Variants in PKN3 observed in about 807,000 individuals in gnomAD.
PKN3 encodes protein kinase N3, also known as serine/threonine-protein kinase N3.
A neutral mutation model predicts 113.1 loss-of-function variants in PKN3; 91 were observed. That is an observed-to-expected ratio of 0.80 (90% CI 0.68 to 0.96). The LOEUF (loss-of-function observed/expected upper bound fraction) is 0.96, where lower values mean the gene tolerates loss of function less well. PKN3 is among the 40% of genes least tolerant of loss of function. The pLI is 0.00. For synonymous variants in PKN3, 467 were observed against 499.0 expected (o/e 0.94, Z 0.85); for missense variants, 1,052 against 1,202.2 (o/e 0.88, Z 1.85).
At chr9:128,713,988 T>C (rs1356620071) in intron 9 of PKN3, 58 bp from the exon 10 acceptor site, 1 of 1,562,260 alleles carries the variant, frequency 6.4e-7, no homozygotes, top group Non-Finnish European at 8.8e-7. Flanking sequence ...GCAGAGGAGG[T>C]GCCATGGCAG....
Position 128,707,330 on chromosome 9 carries a change from A to AC in PKN3, c.763dup (p.Arg255ProfsTer35), listed in dbSNP as rs1484366175. On this transcript the variant is annotated frameshift_variant, in exon 6 of 22. Coordinates refer to ENST00000291906, the MANE Select transcript of PKN3 (RefSeq NM_013355.5). LOFTEE classifies it high-confidence loss of function. ...TGCCCACCCTTTGCGCAGCAGAGTG[A>AC]CCCGAGAGTTGCGGGCTGCGGTGCC... 2 of 1,613,810 alleles carry AC rather than the reference A, an allele frequency of 1.2e-6. No individual in the cohort carries two copies. The highest frequency in any genetic ancestry group is 1.7e-6 in the Non-Finnish European group (2 of 1,179,970).
chr9:128,720,682 C>A lies in PKN3; in HGVS notation c.*76C>A, dbSNP rs1169739954. On this transcript the variant is annotated 3_prime_UTR_variant, in exon 22 of 22. Coordinates refer to ENST00000291906, the MANE Select transcript of PKN3 (RefSeq NM_013355.5). This position sits in a 1 kb window ranked among gnomAD's most constrained non-coding sequence, Gnocchi z 5.5. Reference sequence around the variant, plus strand: ...CTGCTCGTTCACCCGTGCGCCCTGCCTGGAGGTCCAGGCCTTGCTGGGTAC... The same window carrying A: ...CTGCTCGTTCACCCGTGCGCCCTGCATGGAGGTCCAGGCCTTGCTGGGTAC... 1.1e-5 allele frequency: 14 copies of A among 1,314,310 alleles called. No homozygotes were observed. The African/African-American group carries it at 2.0e-4, about 19-fold the overall frequency. The allele number at this position is 1,314,310 out of a possible 1,614,324, so 81.4% of individuals were successfully genotyped here.
At chr9:128,703,202 C>G (rs13283282) in intron 1 of PKN3, among the ~76,000 whole-genome samples, 17,707 of 152,254 alleles carry the variant, frequency 0.12, 1,114 homozygotes, top group Middle Eastern at 0.18. Flanking sequence ...TGAGCGAGGA[C>G]GGCTGAGTCC....
rs201467569 is a variant in PKN3, at chr9:128,719,979, G to A, written c.2338G>A (p.Gly780Ser). The A allele has an allele frequency of 1.0e-4, 161 of 1,614,022 alleles. 1 individual carries two copies. Among genetic ancestry groups the A allele is most frequent in the Non-Finnish European group, 1.2e-4 (139 of 1,180,006 alleles). Residue 780 changes from glycine (G) to serine (S), a missense_variant, in exon 20 of 22, where the codon GGC (glycine) becomes AGC (serine). By Grantham distance (56) the Gly-to-Ser change is moderately conservative (BLOSUM62 0). Transcript: ENST00000291906. ...CGTCAACATGGACGCCCCCTACCCC[G>A]GCTTTCTGTCGGTGCAAGGGCTTGA... ...CIVNMDAPYP[G>S]FLSVQGLEFI...
intron 1 of PKN3, chr9:128,704,058 G>C (rs1861935696): frequency 2.3e-6 from 2 of 864,060 alleles, no homozygotes; most frequent in Non-Finnish European, 2.6e-6. Flanking sequence ...CTGAGGTCTG[G>C]GGTGGGGGGG....
Position 128,713,537 on chromosome 9 carries a change from G to C in PKN3, c.1131G>C (p.Trp377Cys). The change falls in exon 9 of 22, where the codon TGG (tryptophan) becomes TGC (cysteine). Residue 377 changes from tryptophan to cysteine, a missense_variant. Coordinates refer to ENST00000291906, the MANE Select transcript of PKN3 (RefSeq NM_013355.5). Reference sequence around the variant, plus strand: ...AGATTGGGGTACACTGGCGGGACTGGCGGCAGCTATGTGGCGTGGCCTTCC... The same window carrying C: ...AGATTGGGGTACACTGGCGGGACTGCCGGCAGCTATGTGGCGTGGCCTTCC... ...ELEIGVHWRD[W>C]RQLCGVAFLR... 6.2e-7 allele frequency: 1 copy of C among 1,613,910 alleles called. No homozygotes were observed. The highest frequency in any genetic ancestry group is 8.5e-7 in the Non-Finnish European group (1 of 1,179,972).
chr9:128,718,508 A>G lies in PKN3; in HGVS notation c.2049-41A>G, dbSNP rs534252039. On this transcript the variant is annotated intron_variant, in intron 17 of 21. Coordinates refer to ENST00000291906, the MANE Select transcript of PKN3 (RefSeq NM_013355.5). ...GGGGCCGTTACTGTTCCCTGGGTCT[A>G]AGCCCCACTCAGTCCCTTTGATCTG... 8 of 1,599,752 alleles carry G rather than the reference A, an allele frequency of 5.0e-6. No homozygotes were observed. The African/African-American group carries it at 1.1e-4, about 21-fold the overall frequency.
chr9:128,720,130 G>A lies in PKN3; in HGVS notation c.2377-73G>A. On this transcript the variant is annotated intron_variant, in intron 20 of 21. Transcript: ENST00000291906. The surrounding 1 kb of genome is among the most constrained non-coding windows in gnomAD (Gnocchi z 5.5). ...CATCCTTAGAGCGCTCTGGGCCAGC[G>A]TGCTTGGGGCCTGTGGATGATGGCA... 5 of 1,553,080 alleles carry A rather than the reference G, an allele frequency of 3.2e-6. No homozygotes were observed. Among genetic ancestry groups the A allele is most frequent in the South Asian group, 1.1e-5 (1 of 89,316 alleles).
chr9:128,703,924 G>A, intron 1 of PKN3: 4 of 985,462 alleles, frequency 4.1e-6, no homozygotes, highest in Non-Finnish European at 4.8e-6. Context: ...CCCGGTGGCC[G>A]GGCCCCCAGC....
At position 128,720,175 on chromosome 9, in the gene PKN3, C is replaced by T. The variant is rs71499412; in HGVS notation, c.2377-28C>T. On this transcript the variant is annotated intron_variant, in intron 20 of 21. Coordinates refer to ENST00000291906, the MANE Select transcript of PKN3 (RefSeq NM_013355.5). This position sits in a 1 kb window ranked among gnomAD's most constrained non-coding sequence, Gnocchi z 5.5. ...ATGGCAGTGCCTGGGGCTGAATGCC[C>T]TAAGTGAGCGCCTGTCCTATTGCCC... is the stretch of plus-strand genomic sequence containing the variant. The T allele has an allele frequency of 3.1e-6, 5 of 1,607,452 alleles. No individual in the cohort carries two copies. Among genetic ancestry groups the T allele is most frequent in the Admixed American group, 1.7e-5 (1 of 59,460 alleles).
chr9:128,710,509 T>G (rs1000773464), intron 6 of PKN3, among the ~76,000 whole-genome samples: 3 of 152,062 alleles, frequency 2.0e-5, no homozygotes, highest in Non-Finnish European at 4.4e-5. Flanking sequence ...CTTTTTTTTT[T>G]GAGATGGAGT....
chr9:128,704,088 G>A (rs939984982), intron 1 of PKN3: 27 of 985,272 alleles, frequency 2.7e-5, no homozygotes, highest in African/African-American at 2.6e-4. Context: ...CTGGGGTTGC[G>A]GCCCCTTCCA....
chr9:128,703,101 G>T (rs1861903551), intron 1 of PKN3, among the ~76,000 whole-genome samples, 162 bp downstream of exon 1: 1 of 152,146 alleles, frequency 6.6e-6, no homozygotes, highest in Admixed American at 6.5e-5. Context: ...TCGCAGAGCA[G>T]ACCTGATCTC....
chr9:128,706,631 G>A (rs1237441835), intron 3 of PKN3, 82 bp from the exon 4 acceptor site: 3 of 1,039,164 alleles, frequency 2.9e-6, no homozygotes, highest in Non-Finnish European at 4.1e-6. Context: ...TTTGATGGGG[G>A]AGACCCGGCT....
rs566620916 is a variant in PKN3, at chr9:128,715,126, C to T, written c.1653-46C>T. 90 of 1,589,260 alleles carry T rather than the reference C, an allele frequency of 5.7e-5. 1 individual carries two copies. In the East Asian group the frequency reaches 1.7e-3, roughly 30 times the overall value. On this transcript the variant is annotated intron_variant, in intron 13 of 21. Transcript: ENST00000291906. The surrounding 1 kb of genome is among the most constrained non-coding windows in gnomAD (Gnocchi z 4.1). The stretch of plus-strand genomic sequence containing the variant: ...CTTGGAGTGGCTCTGGGTAGGGGCC[C>T]AGCCAGTGCCCTAGGGGACTTCATA...
rs532357991 is a variant in PKN3, at chr9:128,703,098, G to C, written c.24+159G>C. Among the ~76,000 whole-genome samples, 3 of 152,276 alleles carry C rather than the reference G, an allele frequency of 2.0e-5. No homozygotes were observed. In the East Asian group the frequency reaches 5.8e-4, roughly 30 times the overall value. On this transcript the variant is annotated intron_variant, in intron 1 of 21. Coordinates refer to ENST00000291906, the MANE Select transcript of PKN3 (RefSeq NM_013355.5). ...CCCGGCCCCGCGACGCCCTCGCAGA[G>C]CAGACCTGATCTCCGGGTTCGGTGG...
At position 128,715,092 on chromosome 9, in the gene PKN3, C is replaced by T. The variant is rs1294091290; in HGVS notation, c.1653-80C>T. 33 of 1,436,270 alleles carry T rather than the reference C, an allele frequency of 2.3e-5. No homozygotes were observed. The highest frequency in any genetic ancestry group is 3.2e-5 in the Non-Finnish European group (33 of 1,021,084). The allele number at this position is 1,436,270 out of a possible 1,614,324, so 89.0% of individuals were successfully genotyped here. ...TAGGTCGGGACAGCCCAGGACTGGG[C>T]ATGGGAGGCTTGGAGTGGCTCTGGG... On this transcript the variant is annotated intron_variant, in intron 13 of 21. Transcript: ENST00000291906. The surrounding 1 kb of genome is among the most constrained non-coding windows in gnomAD (Gnocchi z 4.1).
chr9:128,706,280 G>A (rs947026398), intron 3 of PKN3, among the ~76,000 whole-genome samples: 7 of 152,094 alleles, frequency 4.6e-5, no homozygotes, highest in Admixed American at 4.6e-4. Flanking sequence ...GATCTGATGG[G>A]AGAGGCTTAG....
At chr9:128,709,234 C>T (rs1220781378) in intron 6 of PKN3, among the ~76,000 whole-genome samples, 5 of 150,312 alleles carry the variant, frequency 3.3e-5, no homozygotes, top group South Asian at 4.2e-4. Flanking sequence ...TACAGTGAGC[C>T]GAGATCGCAC....
Sources: gnomAD v4.1 joint callset for allele counts (sites outside exome capture counted in the v4.1 genomes callset) on GRCh38, gnomAD v4.1.1 for gene constraint, Gnocchi (gnomAD v3.1) non-coding constraint, MANE v1.5 for transcripts, NCBI Gene and HGNC (gene_info 2026-07-23, HGNC 2026-07-21) for gene names.